The following ZFHX3 variants were observed in gnomAD, a reference collection of about 807,000 sequenced individuals.
ZFHX3 encodes zinc finger homeobox protein 3.
ZFHX3 carries 42 observed loss-of-function variants against 279.1 expected under a neutral mutation model. The ratio of observed to expected loss-of-function variants is 0.15; its 90% CI spans 0.12 to 0.19. The LOEUF (loss-of-function observed/expected upper bound fraction) is 0.19. Among genes scored for constraint, ZFHX3 ranks in the 10% least tolerant of loss-of-function variants. The probability of loss-of-function intolerance (pLI) is 1.00; values close to 1 mark genes in which losing one functional copy is unlikely to be tolerated. For synonymous variants in ZFHX3, 2,293 were observed against 1,957.8 expected, an observed-to-expected ratio of 1.17 and a Z score of -4.52; for missense variants, 4,981 against 4,754.0, an observed-to-expected ratio of 1.05 and a Z score of -1.40.
chr16:73,772,417 C>T lies in ZFHX3; in HGVS notation c.-1607-92177G>A, dbSNP rs561206651. 3.2e-4 allele frequency among the ~76,000 whole-genome samples: 48 copies of T among 152,280 alleles called. 1 individual carries two copies. The highest frequency in any genetic ancestry group is 3.7e-4 in the Non-Finnish European group (25 of 68,030). Reference sequence around the variant, plus strand: ...ATCTTGTAAGACTTACTTGCCATCACGCGAACAGCATGGGAAAGGCCTGCC... The same window carrying T: ...ATCTTGTAAGACTTACTTGCCATCATGCGAACAGCATGGGAAAGGCCTGCC... On this transcript the variant is annotated intron_variant, in intron 1 of 17. Coordinates refer to the ZFHX3 transcript ENST00000641206.
At chr16:72,871,531 G>A (rs1247224124) in intron 4 of ZFHX3, among the ~76,000 whole-genome samples, 1 of 151,692 alleles carries the variant, frequency 6.6e-6, no homozygotes, top group Non-Finnish European at 1.5e-5. Flanking sequence ...TAGTAGAGAC[G>A]GGGTTTCACC....
intron 3 of ZFHX3, among the ~76,000 whole-genome samples, chr16:73,414,057 T>C (rs1196997228): frequency 6.6e-6 from 1 of 152,262 alleles, no homozygotes; most frequent in Non-Finnish European, 1.5e-5. Context: ...GTTTAACCTT[T>C]CGCAGTTCAC....
intron 5 of ZFHX3, among the ~76,000 whole-genome samples, chr16:73,183,221 A>T (rs1480087071): frequency 6.6e-6 from 1 of 152,162 alleles, no homozygotes; most frequent in African/African-American, 2.4e-5. Context: ...AACAAAAAAA[A>T]TTACCTCTTA....
At position 72,957,590 on chromosome 16, in the gene ZFHX3, G is replaced by C. The variant is rs763443998; in HGVS notation, c.2556C>G (p.Ser852Arg). ...GCTCGGCCTCGGCGGGTGAGGGCAG[G>C]CTGCCGAGGCCCAGGTGGCGGTTGT... ...IQHNRHLGLG[S>R]LPSPAEAELY... Residue 852 changes from serine (S) to arginine (R), a missense_variant, in exon 2 of 10, where the codon AGC (serine) becomes AGG (arginine). Physicochemically the swap from Ser to Arg is moderately radical, Grantham distance 110. Transcript: ENST00000268489. 6.2e-7 allele frequency: 1 copy of C among 1,613,628 alleles called. No individual in the cohort carries two copies. The highest frequency in any genetic ancestry group is 1.7e-5 in the Admixed American group (1 of 59,968).
chr16:73,168,175 A>G (rs796140719), intron 5 of ZFHX3, among the ~76,000 whole-genome samples: 8 of 151,798 alleles, frequency 5.3e-5, no homozygotes, highest in Admixed American at 2.0e-4. Context: ...CACCTGCCCC[A>G]TAAATGCCAG....
chr16:73,832,616 T>C (rs928184962), intron 1 of ZFHX3, among the ~76,000 whole-genome samples: 2 of 152,144 alleles, frequency 1.3e-5, no homozygotes, highest in Admixed American at 1.3e-4. Flanking sequence ...GATGCAATCA[T>C]AGCTCACTGC....
chr16:73,058,423 C>T (rs1195450242), intron 1 of ZFHX3: 3 of 179,002 alleles, frequency 1.7e-5, no homozygotes, highest in Non-Finnish European at 3.4e-5. Context: ...CAAAGCAGCC[C>T]GGGCGCCCCG....
chr16:73,444,297 C>T (rs1387750998), intron 3 of ZFHX3, among the ~76,000 whole-genome samples: 1 of 152,180 alleles, frequency 6.6e-6, no homozygotes, highest in African/African-American at 2.4e-5. Flanking sequence ...GGTACACTTG[C>T]CTTTTAAAAT....
chr16:72,963,034 A>G (rs1179637250), intron 1 of ZFHX3, among the ~76,000 whole-genome samples: 2 of 152,196 alleles, frequency 1.3e-5, no homozygotes, highest in Non-Finnish European at 2.9e-5. Flanking sequence ...TTCTTACTTA[A>G]GGAGGCAGAA....
At chr16:73,105,347 A>ATATATC in intron 7 of ZFHX3, among the ~76,000 whole-genome samples, 1 of 123,804 alleles carries the variant, frequency 8.1e-6, no homozygotes, top group African/African-American at 3.7e-5. Context: ...GTGTGTATAT[A>ATATATC]TATATACACA....
At chr16:72,915,405 C>T (rs1239583322) in intron 3 of ZFHX3, among the ~76,000 whole-genome samples, 1 of 152,138 alleles carries the variant, frequency 6.6e-6, no homozygotes, top group Non-Finnish European at 1.5e-5. Flanking sequence ...CCGGGATCAG[C>T]GTGGCGGGCC....
chr16:73,388,317 G>C (rs1487659848), intron 3 of ZFHX3, among the ~76,000 whole-genome samples: 1 of 152,126 alleles, frequency 6.6e-6, no homozygotes, highest in Non-Finnish European at 1.5e-5. Context: ...AGAAGGAATG[G>C]ACAATTGACA....
At chr16:73,834,149 G>T (rs1022796699) in intron 1 of ZFHX3, among the ~76,000 whole-genome samples, 1 of 152,110 alleles carries the variant, frequency 6.6e-6, no homozygotes, top group African/African-American at 2.4e-5. Flanking sequence ...GGTTGATTCT[G>T]GAATGTCTGG....
At chr16:73,551,328 T>C (rs1285426586) in intron 2 of ZFHX3, among the ~76,000 whole-genome samples, 3 of 152,074 alleles carry the variant, frequency 2.0e-5, no homozygotes, top group Non-Finnish European at 4.4e-5. Context: ...AGTTACTAAG[T>C]ACACAAGTAG....
At chr16:73,131,050 C>T in exon 7 of ZFHX3, 5 of 1,217,688 alleles carry the variant, frequency 4.1e-6, no homozygotes, top group Non-Finnish European at 5.5e-6. Context: ...CAGGTCCTGT[C>T]CCTTGCTGGC....
At chr16:73,636,041 C>A (rs1480823414) in intron 2 of ZFHX3, among the ~76,000 whole-genome samples, 1 of 152,170 alleles carries the variant, frequency 6.6e-6, no homozygotes, top group Non-Finnish European at 1.5e-5. Context: ...TTTCGCTCCT[C>A]ACCCTGTTTG....
intron 3 of ZFHX3, among the ~76,000 whole-genome samples, chr16:73,441,142 C>T (rs897204957): frequency 7.2e-5 from 11 of 152,058 alleles, no homozygotes; most frequent in African/African-American, 2.4e-4. Flanking sequence ...TACCCCAGTG[C>T]CCTGAAAGAG....
At chr16:73,617,657 GGTATT>G (rs1240385489) in intron 2 of ZFHX3, among the ~76,000 whole-genome samples, 1 of 152,116 alleles carries the variant, frequency 6.6e-6, no homozygotes, top group Non-Finnish European at 1.5e-5. Context: ...ATTAGCGAAA[GGTATT>G]GTCTTTGTTA....
intron 1 of ZFHX3, among the ~76,000 whole-genome samples, chr16:73,791,899 T>C (rs1219773247): frequency 6.6e-6 from 1 of 152,240 alleles, no homozygotes; most frequent in African/African-American, 2.4e-5. Flanking sequence ...CCTTTCAAAG[T>C]ATGAAGCCAT....
Sources: gnomAD v4.1 joint callset for allele counts (sites outside exome capture counted in the v4.1 genomes callset) on GRCh38, gnomAD v4.1.1 for gene constraint, MANE v1.5 for transcripts, NCBI Gene and HGNC (gene_info 2026-07-23, HGNC 2026-07-21) for gene names.